ITGAV: variants seen among roughly 807,000 people sequenced by gnomAD.
ITGAV encodes integrin subunit alpha V, also known as integrin alpha-V.
Under a neutral mutation model 143.8 loss-of-function variants are expected in ITGAV, and 76 were observed. That is an observed-to-expected ratio of 0.53 (90% CI 0.44 to 0.64). ITGAV has a LOEUF of 0.64. Among genes scored for constraint, ITGAV ranks in the 30% least tolerant of loss-of-function variants. The pLI is 0.00. For missense variants in ITGAV, 1,193 were observed against 1,274.7 expected (o/e 0.94, Z 0.98); for synonymous variants, 453 against 446.7 (o/e 1.01, Z -0.18).
chr2:186,605,391 T>C (rs1318713329), intron 2 of ITGAV, among the ~76,000 whole-genome samples: 1 of 152,214 alleles, frequency 6.6e-6, no homozygotes, highest in African/African-American at 2.4e-5. Context: ...TGCTTCACCA[T>C]CATTTTGAGA....
At chr2:186,630,775 AT>A in intron 4 of ITGAV, 21 bp from the exon 5 acceptor site, 1 of 1,395,096 alleles carries the variant, frequency 7.2e-7, no homozygotes, top group Non-Finnish European at 1.0e-6. Flanking sequence ...GTTTGTGTAT[AT>A]TTCCAATCTT....
intron 25 of ITGAV, 95 bp from the exon 26 acceptor site, chr2:186,669,606 A>C: frequency 1.2e-6 from 1 of 804,846 alleles, no homozygotes; most frequent in South Asian, 1.7e-5. Context: ...TTCATTCACT[A>C]TTTTTTAATC....
chr2:186,668,013 T>C, intron 24 of ITGAV: 1 of 225,448 alleles, frequency 4.4e-6, no homozygotes, highest in Non-Finnish European at 8.5e-6. Context: ...AAATTAGTTC[T>C]ACTTGAATAA....
chr2:186,673,281 A>G (rs1361696609), intron 26 of ITGAV, among the ~76,000 whole-genome samples: 1 of 152,214 alleles, frequency 6.6e-6, no homozygotes, highest in African/African-American at 2.4e-5. Flanking sequence ...ACCTATATGT[A>G]TATCCTTAAT....
At position 186,641,452 on chromosome 2, in the gene ITGAV, G is replaced by A; in HGVS notation, c.1023G>A (p.Glu341=). 6.2e-7 allele frequency: 1 copy of A among 1,614,198 alleles called. No individual in the cohort carries two copies. The highest frequency in any genetic ancestry group is 8.5e-7 in the Non-Finnish European group (1 of 1,180,018). Residue 341 remains glutamate (E), a synonymous_variant, in exon 12 of 30, where the codon GAG becomes GAA. Transcript: ENST00000261023. ...MDRGSDGKLQ[E]VGQVSVSLQR... ...GTGGCTCTGATGGCAAACTCCAAGA[G>A]GTGGGGCAGGTCTCAGTGTCTCTAC...
At chr2:186,658,064 G>T (rs189664176) in intron 17 of ITGAV, among the ~76,000 whole-genome samples, 1 of 152,052 alleles carries the variant, frequency 6.6e-6, no homozygotes, top group Non-Finnish European at 1.5e-5. Context: ...TCTTACAATA[G>T]ATGTAAAATG....
At position 186,640,939 on chromosome 2, in the gene ITGAV, G is replaced by C; in HGVS notation, c.928G>C (p.Val310Leu). ...GATGGCTGCATATTTCGGATTTTCT[G>C]TAGCTGCCACTGACATTAATGGAGA... ...EQMAAYFGFS[V>L]AATDINGDDY... is the part of the protein sequence containing the mutation. Residue 310 changes from valine (V) to leucine (L), a missense_variant, in exon 11 of 30, where the codon GTA becomes CTA. Physicochemically the swap from Val to Leu is conservative, Grantham distance 32. Transcript: ENST00000261023. 1.3e-6 allele frequency: 2 copies of C among 1,595,352 alleles called. No homozygotes were observed. The highest frequency in any genetic ancestry group is 1.7e-6 in the Non-Finnish European group (2 of 1,168,370).
At chr2:186,625,171 G>C (rs1377003928) in intron 3 of ITGAV, among the ~76,000 whole-genome samples, 1 of 152,060 alleles carries the variant, frequency 6.6e-6, no homozygotes, top group Non-Finnish European at 1.5e-5. Flanking sequence ...AGTTCAGTTA[G>C]AGACCAGCCT....
At chr2:186,601,982 G>A (rs1193406858) in intron 1 of ITGAV, 39 bp from the exon 2 acceptor site, 1 of 1,589,876 alleles carries the variant, frequency 6.3e-7, no homozygotes, top group Non-Finnish European at 8.6e-7. Context: ...CTTACACTTT[G>A]TTTCATTTAA....
At chr2:186,596,871 A>C (rs1480347021) in intron 1 of ITGAV, among the ~76,000 whole-genome samples, 1 of 152,202 alleles carries the variant, frequency 6.6e-6, no homozygotes, top group African/African-American at 2.4e-5. Flanking sequence ...AAAAACTTAA[A>C]TATCTTAATG....
At chr2:186,619,298 A>T (rs1687456898) in intron 2 of ITGAV, among the ~76,000 whole-genome samples, 1 of 152,116 alleles carries the variant, frequency 6.6e-6, no homozygotes, top group Admixed American at 6.6e-5. Context: ...GAAATAAGCC[A>T]GGAACAGAAA....
chr2:186,618,730 G>C (rs1687437850), intron 2 of ITGAV, among the ~76,000 whole-genome samples: 1 of 109,146 alleles, frequency 9.2e-6, no homozygotes, highest in African/African-American at 3.0e-5. Flanking sequence ...GAGAAAAAAT[G>C]CTTAGCATAG....
intron 2 of ITGAV, among the ~76,000 whole-genome samples, chr2:186,615,963 A>T (rs1687344528): frequency 6.6e-6 from 1 of 151,750 alleles, no homozygotes; most frequent in Non-Finnish European, 1.5e-5. Flanking sequence ...ATCTATTTTG[A>T]GTTAATTTTC....
chr2:186,638,703 T>G (rs1472827512), intron 10 of ITGAV, among the ~76,000 whole-genome samples: 1 of 151,924 alleles, frequency 6.6e-6, no homozygotes, highest in African/African-American at 2.4e-5. Context: ...TTACTCTGTA[T>G]TTTTCATTTT....
intron 18 of ITGAV, 74 bp downstream of exon 18, chr2:186,659,249 G>A (rs943316872): frequency 1.7e-5 from 18 of 1,036,654 alleles, no homozygotes; most frequent in African/African-American, 3.4e-5. Flanking sequence ...AAATATTAGA[G>A]GAGATTTCCT....
intron 15 of ITGAV, among the ~76,000 whole-genome samples, chr2:186,653,947 A>G (rs185144920): frequency 1.3e-5 from 2 of 152,316 alleles, no homozygotes; most frequent in East Asian, 3.9e-4. Flanking sequence ...TGGTTTCACA[A>G]CCTGCTAATA....
At chr2:186,667,287 C>T (rs1688927337) in intron 23 of ITGAV, 57 bp downstream of exon 23, 4 of 1,299,532 alleles carry the variant, frequency 3.1e-6, no homozygotes, top group African/African-American at 2.9e-5. Context: ...TTAAAGGTAA[C>T]TGTCAGGCCT....
chr2:186,645,043 G>T (rs1013314008), intron 12 of ITGAV, among the ~76,000 whole-genome samples: 1 of 152,142 alleles, frequency 6.6e-6, no homozygotes, highest in Non-Finnish European at 1.5e-5. Context: ...GGCAAGATAC[G>T]ACATGTCCTT....
At chr2:186,598,866 T>C (rs1330748925) in intron 1 of ITGAV, among the ~76,000 whole-genome samples, 1 of 152,180 alleles carries the variant, frequency 6.6e-6, no homozygotes, top group African/African-American at 2.4e-5. Flanking sequence ...CTCTATTAAA[T>C]AGGGCGTGGT....
Sources: gnomAD v4.1 joint callset for allele counts (sites outside exome capture counted in the v4.1 genomes callset) on GRCh38, gnomAD v4.1.1 for gene constraint, MANE v1.5 for transcripts, NCBI Gene and HGNC (gene_info 2026-07-23, HGNC 2026-07-21) for gene names.